Variants in GRIK2 observed in about 807,000 individuals in gnomAD.
The protein encoded by GRIK2 is glutamate ionotropic receptor kainate type subunit 2.
GRIK2 carries 32 observed loss-of-function variants against 100.3 expected under a neutral mutation model. The observed-to-expected ratio is 0.32, with a 90% CI of 0.24 to 0.43. The LOEUF (loss-of-function observed/expected upper bound fraction) is 0.43. Ranked by LOEUF, GRIK2 falls within the 20% of genes least tolerant of loss-of-function variation. The pLI is 1.00. For missense variants in GRIK2, 843 were observed against 1,114.9 expected, an observed-to-expected ratio of 0.76 and a Z score of 3.47; for synonymous variants, 417 against 389.4, an observed-to-expected ratio of 1.07 and a Z score of -0.83.
At chr6:102,022,764 A>C (rs1218373739) in intron 14 of GRIK2, among the ~76,000 whole-genome samples, 1 of 151,488 alleles carries the variant, frequency 6.6e-6, no homozygotes, top group Non-Finnish European at 1.5e-5. Context: ...CACTTCATTC[A>C]TTTCTTCAAA....
At chr6:101,738,599 T>A (rs946251624) in intron 7 of GRIK2, among the ~76,000 whole-genome samples, 3 of 152,148 alleles carry the variant, frequency 2.0e-5, no homozygotes, top group Non-Finnish European at 4.4e-5. Context: ...CATTCATTCA[T>A]TTATATGGTA....
chr6:101,664,115 A>G (rs906639666), intron 4 of GRIK2, among the ~76,000 whole-genome samples: 69 of 152,312 alleles, frequency 4.5e-4, no homozygotes, highest in African/African-American at 1.4e-3. Context: ...ATGGGAGACA[A>G]TGAGTTACCT....
At chr6:101,583,718 GA>G (rs1778213715) in intron 2 of GRIK2, among the ~76,000 whole-genome samples, 1 of 152,072 alleles carries the variant, frequency 6.6e-6, no homozygotes, top group Non-Finnish European at 1.5e-5. Context: ...GCTGGGGACA[GA>G]AAAAAACTTG....
At chr6:101,804,246 A>C (rs1780846806) in intron 9 of GRIK2, among the ~76,000 whole-genome samples, 2 of 151,964 alleles carry the variant, frequency 1.3e-5, no homozygotes, top group African/African-American at 4.8e-5. Context: ...GGGGAAACAC[A>C]AACATAGCGT....
chr6:101,794,369 A>G (rs369127227), intron 7 of GRIK2, among the ~76,000 whole-genome samples: 41 of 152,094 alleles, frequency 2.7e-4, no homozygotes, highest in African/African-American at 9.6e-4. Flanking sequence ...CCCGAGATGA[A>G]TTTCTTGTAG....
intron 11 of GRIK2, among the ~76,000 whole-genome samples, chr6:101,869,904 A>G (rs1033766587): frequency 2.0e-5 from 3 of 151,908 alleles, no homozygotes; most frequent in Non-Finnish European, 2.9e-5. Context: ...CCTAGGCTAC[A>G]TGAACTGCAG....
intron 11 of GRIK2, among the ~76,000 whole-genome samples, chr6:101,864,206 AT>A (rs1784915678): frequency 6.6e-6 from 1 of 152,152 alleles, no homozygotes; most frequent in African/African-American, 2.4e-5. Context: ...GAGCAGGACT[AT>A]AGCCTTCTTT....
At chr6:101,841,474 T>C (rs999941029) in intron 10 of GRIK2, among the ~76,000 whole-genome samples, 3 of 151,776 alleles carry the variant, frequency 2.0e-5, no homozygotes, top group Admixed American at 2.0e-4. Flanking sequence ...AGCTACTCTC[T>C]TGCCTCAGCC....
At chr6:101,674,714 T>TCTAACTTTGCAAAACAAAATC (rs1770700665) in intron 4 of GRIK2, among the ~76,000 whole-genome samples, 2 of 152,292 alleles carry the variant, frequency 1.3e-5, no homozygotes, top group South Asian at 4.1e-4. Context: ...CATTAGTAAA[T>TCTAACTTTGCAAAACAAAATC]ATTTAACTTT....
intron 4 of GRIK2, among the ~76,000 whole-genome samples, chr6:101,668,194 T>C (rs7739084): frequency 0.11 from 16,005 of 152,126 alleles, 1,014 homozygotes; most frequent in Middle Eastern, 0.24. Context: ...TTTGAAGATT[T>C]CCTTTCATTT....
At chr6:101,796,598 A>G (rs1284276557) in intron 7 of GRIK2, among the ~76,000 whole-genome samples, 2 of 152,218 alleles carry the variant, frequency 1.3e-5, no homozygotes, top group Non-Finnish European at 2.9e-5. Context: ...AATATCATAG[A>G]AAGTATTTCA....
At chr6:101,803,782 G>T (rs1434371621) in intron 9 of GRIK2, among the ~76,000 whole-genome samples, 2 of 151,772 alleles carry the variant, frequency 1.3e-5, no homozygotes, top group Non-Finnish European at 2.9e-5. Flanking sequence ...TTCCTGTCTT[G>T]AATTCAAAAT....
intron 4 of GRIK2, among the ~76,000 whole-genome samples, chr6:101,659,789 A>G (rs1769471089): frequency 6.6e-6 from 1 of 152,184 alleles, no homozygotes; most frequent in South Asian, 2.1e-4. Flanking sequence ...AGAATGCTGA[A>G]TATTGGCCCC....
intron 14 of GRIK2, among the ~76,000 whole-genome samples, chr6:101,941,565 A>C (rs749591172): frequency 6.6e-6 from 1 of 152,128 alleles, no homozygotes; most frequent in Non-Finnish European, 1.5e-5. Context: ...TGTTCAATAC[A>C]TTTAAAAATA....
At chr6:101,945,523 T>A (rs2128477140) in intron 14 of GRIK2, among the ~76,000 whole-genome samples, 1 of 152,222 alleles carries the variant, frequency 6.6e-6, no homozygotes, top group Admixed American at 6.5e-5. Flanking sequence ...TAAAAGCTAT[T>A]CACAGCTCTC....
intron 7 of GRIK2, among the ~76,000 whole-genome samples, chr6:101,786,078 T>C (rs1043132667): frequency 3.3e-5 from 5 of 152,126 alleles, no homozygotes; most frequent in Non-Finnish European, 7.4e-5. Context: ...TTGTTGGTAG[T>C]GTAAATGAGA....
At chr6:101,921,287 T>C (rs113882021) in intron 12 of GRIK2, among the ~76,000 whole-genome samples, 4 of 110,966 alleles carry the variant, frequency 3.6e-5, no homozygotes, top group Non-Finnish European at 5.8e-5. Context: ...GAAAAATTAG[T>C]AAAAATTGTG....
At chr6:101,523,662 T>A (rs1410533396) in intron 2 of GRIK2, among the ~76,000 whole-genome samples, 1 of 151,214 alleles carries the variant, frequency 6.6e-6, no homozygotes, top group African/African-American at 2.4e-5. Flanking sequence ...ATAGTGCCCA[T>A]CAGCATTCTA....
At chr6:101,667,892 A>C (rs1770147123) in intron 4 of GRIK2, among the ~76,000 whole-genome samples, 1 of 152,130 alleles carries the variant, frequency 6.6e-6, no homozygotes, top group Admixed American at 6.6e-5. Context: ...GGACTCAGAA[A>C]GATTCTTGGC....
Sources: allele counts gnomAD v4.1 joint callset (sites outside exome capture counted in the v4.1 genomes callset), GRCh38; gene constraint gnomAD v4.1.1; transcripts MANE v1.5; gene names NCBI Gene and HGNC (gene_info 2026-07-23, HGNC 2026-07-21).